NTN4: variants seen among roughly 807,000 people sequenced by gnomAD.
NTN4 encodes the protein netrin 4, also known as netrin-4.
A neutral mutation model predicts 73.6 loss-of-function variants in NTN4; 32 were observed. The ratio of observed to expected loss-of-function variants is 0.44; its 90% confidence interval spans 0.33 to 0.58. The LOEUF is 0.58. Among genes scored for constraint, NTN4 ranks in the 20% least tolerant of loss-of-function variants. The probability of loss-of-function intolerance (pLI) is 0.04; values close to 1 mark genes in which losing one functional copy is unlikely to be tolerated. For synonymous variants in NTN4, 258 were observed against 287.5 expected, an observed-to-expected ratio of 0.90 and a Z score of 1.04; for missense variants, 654 against 798.3, an observed-to-expected ratio of 0.82 and a Z score of 2.18.
intron 8 of NTN4, among the ~76,000 whole-genome samples, chr12:95,668,297 TA>T (rs1246687619): frequency 6.6e-6 from 1 of 152,172 alleles, no homozygotes; most frequent in Non-Finnish European, 1.5e-5. Flanking sequence ...GCAGTTGTAT[TA>T]AAAGATTGGT....
At chr12:95,732,957 C>T (rs1284873128) in intron 3 of NTN4, among the ~76,000 whole-genome samples, 1 of 152,138 alleles carries the variant, frequency 6.6e-6, no homozygotes, top group Non-Finnish European at 1.5e-5. Context: ...TCCTCAAACC[C>T]CATTATATGG....
chr12:95,692,292 TC>T (rs1297545607), intron 5 of NTN4, among the ~76,000 whole-genome samples: 2 of 152,146 alleles, frequency 1.3e-5, no homozygotes, highest in African/African-American at 2.4e-5. Context: ...CGCCTCAGCC[TC>T]CCAAACTGCT....
chr12:95,743,995 G>A (rs2078844115), intron 2 of NTN4, among the ~76,000 whole-genome samples: 1 of 152,076 alleles, frequency 6.6e-6, no homozygotes. Context: ...TCCACCTCCT[G>A]GGTTCAAGTG....
intron 2 of NTN4, among the ~76,000 whole-genome samples, chr12:95,778,682 C>CA (rs951323486): frequency 3.8e-4 from 57 of 151,930 alleles, no homozygotes; most frequent in Non-Finnish European, 7.4e-5. Flanking sequence ...GCTTACCAAC[C>CA]AAAAAAAGTC....
At chr12:95,693,275 T>G (rs1210401053) in intron 5 of NTN4, among the ~76,000 whole-genome samples, 1 of 149,684 alleles carries the variant, frequency 6.7e-6, no homozygotes, top group Non-Finnish European at 1.5e-5. Flanking sequence ...ACTGCCTCAT[T>G]GTAGATATGT....
intron 2 of NTN4, among the ~76,000 whole-genome samples, chr12:95,764,611 G>A (rs2121253482): frequency 6.7e-6 from 1 of 150,192 alleles, no homozygotes; most frequent in East Asian, 2.0e-4. Context: ...GTTGCAGTGA[G>A]CCAAGATTGC....
In NTN4 at chr12:95,741,640, A is replaced by ATAT. The variant is rs60422501; in HGVS notation, c.586-3497_586-3496insATA. On this transcript the variant is annotated intron_variant, in intron 2 of 9. Coordinates refer to ENST00000343702, the MANE Select transcript of NTN4 (RefSeq NM_021229.4). ...TTAAAGTGTTTAATATATATATATA[A>ATAT]AAATTATATATAATTTATAAATTAA... Among the ~76,000 whole-genome samples, 1,094 of 144,736 alleles carry ATAT rather than the reference A, an allele frequency of 7.6e-3. 17 individuals carry two copies. Among genetic ancestry groups the ATAT allele is most frequent in the African/African-American group, 0.025 (990 of 39,836 alleles). 95.0% of individuals were successfully genotyped at this position (144,736 alleles called of 152,430 possible).
intron 9 of NTN4, among the ~76,000 whole-genome samples, chr12:95,661,314 C>T (rs549588895): frequency 2.6e-4 from 40 of 152,152 alleles, no homozygotes; most frequent in African/African-American, 8.4e-4. Context: ...AGCCCTCTTA[C>T]GGAAGAATGC....
Position 95,658,954 on chromosome 12 carries a change from G to A in NTN4, c.*132C>T, listed in dbSNP as rs1424611943. 1.2e-5 allele frequency: 9 copies of A among 750,028 alleles called. No homozygotes were observed. Among genetic ancestry groups the A allele is most frequent in the Non-Finnish European group, 1.9e-5 (9 of 463,496 alleles). The allele number at this position is 750,028 out of a possible 1,614,324, so 46.5% of individuals were successfully genotyped here. ...GGTCCAGAAGAGATAAGTTAGATAA[G>A]ACCCATGCATTCAAACATTTCTATA... On this transcript the variant is annotated 3_prime_UTR_variant, in exon 10 of 10. Transcript: ENST00000343702.
chr12:95,708,529 T>C (rs1396924701), intron 5 of NTN4, among the ~76,000 whole-genome samples: 1 of 152,026 alleles, frequency 6.6e-6, no homozygotes, highest in Non-Finnish European at 1.5e-5. Flanking sequence ...AGTGCTGTAA[T>C]TACAGGCCTG....
intron 5 of NTN4, among the ~76,000 whole-genome samples, chr12:95,707,371 T>C (rs2078528552): frequency 6.6e-6 from 1 of 152,156 alleles, no homozygotes; most frequent in Non-Finnish European, 1.5e-5. Context: ...TCACTTTAGG[T>C]ATTCCCTCTC....
chr12:95,687,373 G>A (rs1013325299), intron 5 of NTN4, among the ~76,000 whole-genome samples: 16 of 151,418 alleles, frequency 1.1e-4, no homozygotes, highest in African/African-American at 3.9e-4. Flanking sequence ...AAAATAATTT[G>A]GTGAAAAAAA....
chr12:95,784,285 T>TG (rs1189927875), intron 2 of NTN4, among the ~76,000 whole-genome samples: 1 of 152,184 alleles, frequency 6.6e-6, no homozygotes, highest in Non-Finnish European at 1.5e-5. Context: ...TAATCACTTC[T>TG]GGGGAGGCTT....
chr12:95,690,616 T>G (rs1450181771), intron 5 of NTN4, among the ~76,000 whole-genome samples: 1 of 152,136 alleles, frequency 6.6e-6, no homozygotes, highest in Non-Finnish European at 1.5e-5. Context: ...AATAATTCAT[T>G]TGGATTATAT....
At chr12:95,787,602 T>C in intron 1 of NTN4, 134 bp from the exon 2 acceptor site, 1 of 749,176 alleles carries the variant, frequency 1.3e-6, no homozygotes, top group Non-Finnish European at 2.2e-6. Context: ...AATTCTACCA[T>C]GCTCCACCAT....
At chr12:95,764,363 G>C (rs1043624591) in intron 2 of NTN4, among the ~76,000 whole-genome samples, 1 of 152,106 alleles carries the variant, frequency 6.6e-6, no homozygotes, top group Non-Finnish European at 1.5e-5. Flanking sequence ...TATTAAGTGG[G>C]CTTTTAAAGA....
intron 2 of NTN4, among the ~76,000 whole-genome samples, chr12:95,748,622 C>T (rs2078880338): frequency 6.6e-6 from 1 of 152,192 alleles, no homozygotes; most frequent in African/African-American, 2.4e-5. Context: ...AGGCACATGC[C>T]ACCATGCCCA....
At chr12:95,701,543 G>GCA (rs559353962) in intron 5 of NTN4, among the ~76,000 whole-genome samples, 1,698 of 152,262 alleles carry the variant, frequency 0.011, 12 homozygotes, top group Non-Finnish European at 0.018. Flanking sequence ...AGTTGATTGT[G>GCA]CTGGGTCCAA....
chr12:95,775,481 C>T (rs2079085094), intron 2 of NTN4, among the ~76,000 whole-genome samples: 1 of 152,216 alleles, frequency 6.6e-6, no homozygotes, highest in South Asian at 2.1e-4. Flanking sequence ...TCACTCCCAC[C>T]CTAATATTGC....
Sources: gnomAD v4.1 joint callset for allele counts (sites outside exome capture counted in the v4.1 genomes callset) on GRCh38, gnomAD v4.1.1 for gene constraint, MANE v1.5 for transcripts, NCBI Gene and HGNC (gene_info 2026-07-23, HGNC 2026-07-21) for gene names.